PPARGC1A: variants seen among roughly 807,000 people sequenced by gnomAD.
PPARGC1A encodes the protein peroxisome proliferator-activated receptor gamma coactivator 1-alpha.
A neutral mutation model predicts 88.7 loss-of-function variants in PPARGC1A; 25 were observed. That is an observed-to-expected ratio of 0.28 (90% CI 0.21 to 0.39). The LOEUF is 0.39. Ranked by LOEUF, PPARGC1A falls within the 10% of genes least tolerant of loss-of-function variation. The probability of loss-of-function intolerance (pLI) is 1.00; values close to 1 mark genes in which losing one functional copy is unlikely to be tolerated. For synonymous variants in PPARGC1A, 363 were observed against 355.6 expected (o/e 1.02, Z -0.24); for missense variants, 880 against 968.7 (o/e 0.91, Z 1.22).
the PPARGC1A span, among the ~76,000 whole-genome samples, chr4:24,153,620 C>G: frequency 2.5e-3 from 381 of 152,310 alleles, 1 homozygote; most frequent in African/African-American, 8.8e-3. Flanking sequence ...ACATGCCAAT[C>G]AGTCCGTAGT....
the PPARGC1A span, among the ~76,000 whole-genome samples, chr4:24,188,882 T>G: frequency 6.6e-6 from 1 of 152,080 alleles, no homozygotes. Flanking sequence ...AGCTAAAAGG[T>G]GAACACAAAC....
At chr4:24,290,317 C>T in the PPARGC1A span, among the ~76,000 whole-genome samples, 1 of 152,018 alleles carries the variant, frequency 6.6e-6, no homozygotes, top group African/African-American at 2.4e-5. Flanking sequence ...GTGTACCCAT[C>T]ACCCGAGCAG....
upstream of PPARGC1A, among the ~76,000 whole-genome samples, chr4:23,905,625 C>T (rs1197936764): frequency 2.0e-5 from 3 of 152,174 alleles, no homozygotes; most frequent in Non-Finnish European, 2.9e-5. Flanking sequence ...TGAATGTTTA[C>T]TGTATATCAA....
At chr4:24,240,175 C>T in the PPARGC1A span, among the ~76,000 whole-genome samples, 1 of 152,130 alleles carries the variant, frequency 6.6e-6, no homozygotes, top group Non-Finnish European at 1.5e-5. Flanking sequence ...TATATTAAGG[C>T]TCACAAGGAA....
the PPARGC1A span, among the ~76,000 whole-genome samples, chr4:24,089,530 A>G: frequency 9.9e-6 from 1 of 101,362 alleles, no homozygotes; most frequent in African/African-American, 5.1e-5. Context: ...TTTTTTTTTG[A>G]GACGGAGTCT....
chr4:24,282,329 T>C, the PPARGC1A span, among the ~76,000 whole-genome samples: 2 of 152,220 alleles, frequency 1.3e-5, no homozygotes, highest in Non-Finnish European at 2.9e-5. Context: ...CACTTCTCCA[T>C]CTTGTCAATA....
At chr4:24,239,557 G>C in the PPARGC1A span, among the ~76,000 whole-genome samples, 1 of 152,180 alleles carries the variant, frequency 6.6e-6, no homozygotes, top group Non-Finnish European at 1.5e-5. Flanking sequence ...GACAGGGCTA[G>C]GAATATCCAC....
chr4:24,242,986 T>C, the PPARGC1A span, among the ~76,000 whole-genome samples: 1 of 152,178 alleles, frequency 6.6e-6, no homozygotes, highest in South Asian at 2.1e-4. Flanking sequence ...TTATATGTAC[T>C]CAGAACCATG....
At chr4:23,873,325 T>G (rs775683606) in intron 2 of PPARGC1A, among the ~76,000 whole-genome samples, 11 of 151,990 alleles carry the variant, frequency 7.2e-5, no homozygotes, top group Non-Finnish European at 1.6e-4. Context: ...TTAGAGAAAC[T>G]GAAGTACTAT....
chr4:23,800,207 G>A (rs1032764028), intron 12 of PPARGC1A, among the ~76,000 whole-genome samples: 4 of 151,992 alleles, frequency 2.6e-5, no homozygotes, highest in African/African-American at 9.7e-5. Flanking sequence ...ATCTAATAAT[G>A]ATGAGGACTA....
Position 23,795,600 on chromosome 4 carries a change from TATC to T in PPARGC1A, c.*219_*221del. On this transcript the variant is annotated 3_prime_UTR_variant, in exon 13 of 13. Transcript: ENST00000264867. ...CATGAATAAACATGTGCTTACTGGA[TATC>T]ATTCTGTCTCTTGCCTCTTCAGCAG... is the stretch of plus-strand genomic sequence containing the variant. The T allele has an allele frequency of 2.1e-6, 1 of 482,468 alleles. No homozygotes were observed. The highest frequency in any genetic ancestry group is 2.5e-5 in the South Asian group (1 of 40,140). 29.9% of individuals were successfully genotyped at this position (482,468 alleles called of 1,614,324 possible).
the PPARGC1A span, among the ~76,000 whole-genome samples, chr4:23,909,400 G>A: frequency 2.8e-4 from 42 of 152,254 alleles, no homozygotes; most frequent in Non-Finnish European, 4.3e-4. Context: ...TAGTACTGGC[G>A]AAACCTGCGT....
upstream of PPARGC1A, chr4:23,903,980 C>T: frequency 1.1e-6 from 1 of 935,694 alleles, no homozygotes; most frequent in South Asian, 4.9e-5. Flanking sequence ...GACATAATGC[C>T]TCCTGATACT....
At chr4:24,091,268 C>T in the PPARGC1A span, among the ~76,000 whole-genome samples, 2 of 152,186 alleles carry the variant, frequency 1.3e-5, no homozygotes, top group Non-Finnish European at 2.9e-5. Flanking sequence ...TATTAGCTTG[C>T]TTGACAATCT....
chr4:24,418,013 T>C, the PPARGC1A span, among the ~76,000 whole-genome samples: 1 of 151,608 alleles, frequency 6.6e-6, no homozygotes, highest in Non-Finnish European at 1.5e-5. Context: ...TTATTATATA[T>C]ACATAAAAAT....
chr4:24,126,882 C>G, the PPARGC1A span, among the ~76,000 whole-genome samples: 1 of 152,154 alleles, frequency 6.6e-6, no homozygotes, highest in African/African-American at 2.4e-5. Flanking sequence ...TGATGAGGTT[C>G]AAGGAAGCTC....
the PPARGC1A span, among the ~76,000 whole-genome samples, chr4:24,043,581 C>T: frequency 3.3e-5 from 5 of 152,104 alleles, no homozygotes; most frequent in Admixed American, 6.6e-5. Context: ...TAAATGTTAC[C>T]TCATCGATCG....
At chr4:24,360,208 T>C in the PPARGC1A span, among the ~76,000 whole-genome samples, 1 of 152,190 alleles carries the variant, frequency 6.6e-6, no homozygotes, top group African/African-American at 2.4e-5. Context: ...CCACCACCCG[T>C]AGCCCACCAC....
chr4:24,175,538 C>CTTT, the PPARGC1A span, among the ~76,000 whole-genome samples: 303 of 84,868 alleles, frequency 3.6e-3, 6 homozygotes, highest in African/African-American at 7.1e-3. Context: ...CCACACCAAG[C>CTTT]TTTTTTTTTT....
Sources: allele counts gnomAD v4.1 joint callset (sites outside exome capture counted in the v4.1 genomes callset), GRCh38; gene constraint gnomAD v4.1.1; transcripts MANE v1.5; gene names NCBI Gene and HGNC (gene_info 2026-07-23, HGNC 2026-07-21).